Variants in LOC114841035 observed in about 807,000 individuals in gnomAD.
chr11:64,243,105 G>A, the LOC114841035 span: 1 of 1,106,080 alleles, frequency 9.0e-7, no homozygotes. Context: ...GCTGTGGGTG[G>A]GCGTGGGGGG....
the LOC114841035 span, chr11:64,243,505 G>GC: frequency 1.2e-6 from 2 of 1,613,470 alleles, no homozygotes; most frequent in Non-Finnish European, 1.7e-6. Flanking sequence ...TAGGTAAGAG[G>GC]CCCCTCCTGA....
the LOC114841035 span, chr11:64,243,835 C>T: frequency 0.025 from 39,555 of 1,613,996 alleles, 615 homozygotes; most frequent in Non-Finnish European, 0.027. Context: ...TGTGCATCTT[C>T]AACAGGGTAT....
chr11:64,243,527 G>A, the LOC114841035 span: 65 of 1,612,254 alleles, frequency 4.0e-5, no homozygotes, highest in Non-Finnish European at 5.1e-5. Flanking sequence ...GGTGCAGAGC[G>A]AGTTTGGGGT....
chr11:64,242,218 G>GACA, the LOC114841035 span: 1 of 612,132 alleles, frequency 1.6e-6, no homozygotes, highest in East Asian at 3.5e-5. Context: ...GGACTGGTAA[G>GACA]TGTGGCCCCG....
chr11:64,243,319 A>T, the LOC114841035 span: 10 of 1,600,456 alleles, frequency 6.2e-6, no homozygotes, highest in South Asian at 9.0e-5. Context: ...GGGGTGAGTC[A>T]TGGGGGAATG....
At chr11:64,243,978 C>T in the LOC114841035 span, 1 of 1,614,122 alleles carries the variant, frequency 6.2e-7, no homozygotes, top group Non-Finnish European at 8.5e-7. Context: ...GTGGTGCAAC[C>T]CTGGTGTTCG....
At chr11:64,243,938 T>C in the LOC114841035 span, 1 of 1,614,072 alleles carries the variant, frequency 6.2e-7, no homozygotes, top group Non-Finnish European at 8.5e-7. Context: ...TGGCCCTGGT[T>C]GGCATTTTGA....
the LOC114841035 span, chr11:64,243,495 T>A: frequency 1.2e-6 from 2 of 1,613,706 alleles, no homozygotes; most frequent in Non-Finnish European, 1.7e-6. Context: ...CCATCCGAGC[T>A]AGGTAAGAGG....
At chr11:64,243,353 G>A in the LOC114841035 span, 3 of 1,597,006 alleles carry the variant, frequency 1.9e-6, no homozygotes, top group Admixed American at 1.7e-5. Context: ...GGGCGTGCAT[G>A]GCCACCGCCC....
chr11:64,243,508 C>T, the LOC114841035 span: 2 of 1,613,400 alleles, frequency 1.2e-6, no homozygotes, highest in Admixed American at 3.3e-5. Context: ...GTAAGAGGCC[C>T]CTCCTGAGGG....
the LOC114841035 span, chr11:64,242,169 C>A: frequency 6.2e-6 from 3 of 482,672 alleles, no homozygotes; most frequent in South Asian, 9.7e-5. Context: ...GACCCCCTCC[C>A]CCCGCTGCTG....
At chr11:64,244,097 A>C in the LOC114841035 span, 21 of 1,528,792 alleles carry the variant, frequency 1.4e-5, no homozygotes, top group African/African-American at 2.8e-5. Context: ...AAAAAACAAA[A>C]AACAAAAACA....
the LOC114841035 span, chr11:64,242,214 G>T: frequency 5.1e-6 from 3 of 592,994 alleles, no homozygotes; most frequent in East Asian, 1.0e-4. Flanking sequence ...CACTGGACTG[G>T]TAAGTGTGGC....
chr11:64,242,955 C>G, the LOC114841035 span, among the ~76,000 whole-genome samples: 8 of 152,290 alleles, frequency 5.3e-5, no homozygotes, highest in Non-Finnish European at 1.0e-4. Context: ...GCCTATAATC[C>G]CAGCTACTTG....
At chr11:64,243,340 TG>T in the LOC114841035 span, 1 of 1,595,968 alleles carries the variant, frequency 6.3e-7, no homozygotes, top group Non-Finnish European at 8.6e-7. Context: ...GGCTTGGGAG[TG>T]GGGGCGTGCA....
chr11:64,242,614 G>C, the LOC114841035 span: 1 of 1,494,912 alleles, frequency 6.7e-7, no homozygotes, highest in African/African-American at 1.5e-5. Flanking sequence ...GGACCAGAGA[G>C]TGCTTGGGAG....
chr11:64,242,255 G>C, the LOC114841035 span: 2 of 945,444 alleles, frequency 2.1e-6, no homozygotes, highest in South Asian at 4.4e-5. Flanking sequence ...GCGGTGACCC[G>C]GGACAAAGGG....
At chr11:64,241,419 G>T in the LOC114841035 span, among the ~76,000 whole-genome samples, 2 of 152,030 alleles carry the variant, frequency 1.3e-5, no homozygotes, top group African/African-American at 4.8e-5. Context: ...GAGCTAGGAG[G>T]GTCGGGGGAC....
chr11:64,242,443 T>TGGCCAC, the LOC114841035 span: 1 of 1,550,306 alleles, frequency 6.5e-7, no homozygotes, highest in Non-Finnish European at 8.7e-7. Flanking sequence ...CTGAGCGCCG[T>TGGCCAC]GGCCACGGCC....
Sources: gnomAD v4.1 joint callset for allele counts (sites outside exome capture counted in the v4.1 genomes callset) on GRCh38, gnomAD v4.1.1 for gene constraint, MANE v1.5 for transcripts.